The following KLRF1 variants were observed in gnomAD, a reference collection of about 807,000 sequenced individuals.
The protein encoded by KLRF1 is killer cell lectin-like receptor subfamily F member 1.
KLRF1 carries 27 observed loss-of-function variants against 30.7 expected under a neutral mutation model. The observed-to-expected ratio is 0.88, with a 90% CI of 0.65 to 1.21. KLRF1 has a LOEUF of 1.21. KLRF1 is among the 50% of genes most tolerant of loss of function. KLRF1 has a pLI of 0.00. For missense variants in KLRF1, 246 were observed against 259.3 expected (o/e 0.95, Z 0.35); for synonymous variants, 92 against 89.3 (o/e 1.03, Z -0.17).
At chr12:9,835,909 A>C (rs1262391350) in intron 3 of KLRF1, among the ~76,000 whole-genome samples, 5 of 151,990 alleles carry the variant, frequency 3.3e-5, no homozygotes, top group African/African-American at 1.2e-4. Flanking sequence ...ATGTCTGGGG[A>C]GGTCTTGCTG....
chr12:9,802,787 A>G, the KLRF1 span, among the ~76,000 whole-genome samples: 44 of 152,196 alleles, frequency 2.9e-4, no homozygotes, highest in African/African-American at 1.0e-3. Flanking sequence ...GAGAACTACA[A>G]AGCACTGCTC....
rs1565510232 is a variant in KLRF1, at chr12:9,841,848, A to G, written c.371A>G (p.Lys124Arg). The change falls in exon 4 of 6, where the codon AAG becomes AGG. Residue 124 changes from lysine (K) to arginine (R), a missense_variant. By Grantham distance (26) the Lys-to-Arg change is conservative (BLOSUM62 2). Transcript: ENST00000617889. The part of the protein sequence containing the change: ...CQSEWLKYQG[K>R]CYWFSNEMKS... ...TCAGAATGGCTCAAATACCAAGGGA[A>G]GTGTTATTGGTTCTCTAATGAGATG... The G allele has an allele frequency of 6.2e-7, 1 of 1,607,782 alleles. No individual in the cohort carries two copies. Among genetic ancestry groups the G allele is most frequent in the Non-Finnish European group, 8.5e-7 (1 of 1,175,310 alleles).
the KLRF1 span, among the ~76,000 whole-genome samples, chr12:9,814,397 G>A: frequency 6.6e-6 from 1 of 152,182 alleles, no homozygotes; most frequent in African/African-American, 2.4e-5. Flanking sequence ...TGCCCACTCT[G>A]CCAACCACAG....
chr12:9,836,426 C>T (rs1423847601), intron 3 of KLRF1, among the ~76,000 whole-genome samples: 3 of 152,082 alleles, frequency 2.0e-5, no homozygotes, highest in Non-Finnish European at 2.9e-5. Flanking sequence ...CCCAAACCGC[C>T]AGTCTTAACT....
At chr12:9,825,276 AGC>A (rs1867266780), upstream of KLRF1, among the ~76,000 whole-genome samples, 363 of 151,066 alleles carry the variant, frequency 2.4e-3, 2 homozygotes, top group African/African-American at 7.8e-3. Flanking sequence ...AAAAAAAAAA[AGC>A]AGACACATAG....
At chr12:9,831,565 T>C (rs757954464) in intron 1 of KLRF1, among the ~76,000 whole-genome samples, 63 of 152,304 alleles carry the variant, frequency 4.1e-4, no homozygotes, top group Admixed American at 3.3e-3. Flanking sequence ...AAGGACAAAA[T>C]GTTTCACAAA....
upstream of KLRF1, among the ~76,000 whole-genome samples, chr12:9,824,906 C>T (rs1867263451): frequency 6.6e-6 from 1 of 152,014 alleles, no homozygotes; most frequent in East Asian, 1.9e-4. Context: ...GGAATACAGT[C>T]AACCAGGGAG....
upstream of KLRF1, among the ~76,000 whole-genome samples, chr12:9,826,671 A>C (rs1867288635): frequency 6.6e-6 from 1 of 152,082 alleles, no homozygotes; most frequent in South Asian, 2.1e-4. Context: ...ACACATATAC[A>C]AAGGAATACT....
At chr12:9,833,778 A>C (rs1284311296) in intron 3 of KLRF1, among the ~76,000 whole-genome samples, 1 of 152,144 alleles carries the variant, frequency 6.6e-6, no homozygotes, top group Non-Finnish European at 1.5e-5. Context: ...TCTGAAATAC[A>C]GACTGGATAA....
intron 3 of KLRF1, among the ~76,000 whole-genome samples, chr12:9,835,453 T>A (rs1020814264): frequency 6.6e-6 from 1 of 152,056 alleles, no homozygotes; most frequent in African/African-American, 2.4e-5. Context: ...GTCTATGAGC[T>A]ACCTTTCACT....
chr12:9,822,141 A>T, the KLRF1 span, among the ~76,000 whole-genome samples: 1 of 152,244 alleles, frequency 6.6e-6, no homozygotes, highest in Non-Finnish European at 1.5e-5. Context: ...TGCGCTAGTT[A>T]TCCAACAAGG....
In KLRF1 at chr12:9,842,362, G is replaced by T. The variant is rs1381641529; in HGVS notation, c.516G>T (p.Trp172Cys). The T allele has an allele frequency of 2.5e-6, 4 of 1,611,998 alleles. No individual in the cohort carries two copies. Among genetic ancestry groups the T allele is most frequent in the Non-Finnish European group, 3.4e-6 (4 of 1,178,636 alleles). ...ACCTAAGACAATTAAACTACGTATGGATTGGGCTTAACTTTACCTCCTTGA... is the reference window on the plus strand; with the variant it reads ...ACCTAAGACAATTAAACTACGTATGTATTGGGCTTAACTTTACCTCCTTGA... ...QKNLRQLNYV[W>C]IGLNFTSLKM... The change falls in exon 5 of 6, where the codon TGG (tryptophan) becomes TGT (cysteine). Residue 172 changes from tryptophan to cysteine, a missense_variant. Coordinates refer to ENST00000617889, the MANE Select transcript of KLRF1 (RefSeq NM_016523.3).
chr12:9,822,500 A>T (rs1867237425), upstream of KLRF1, among the ~76,000 whole-genome samples: 1 of 152,216 alleles, frequency 6.6e-6, no homozygotes. Context: ...TGAGAAATAT[A>T]GGATTATGTA....
intron 1 of KLRF1, among the ~76,000 whole-genome samples, chr12:9,829,933 G>A (rs1005710641): frequency 6.6e-6 from 1 of 151,896 alleles, no homozygotes; most frequent in Non-Finnish European, 1.5e-5. Flanking sequence ...AATTATTCAG[G>A]CTCACTCACC....
upstream of KLRF1, among the ~76,000 whole-genome samples, chr12:9,825,905 A>G (rs1867276515): frequency 2.6e-5 from 4 of 152,208 alleles, no homozygotes; most frequent in Admixed American, 2.0e-4. Context: ...ATCTTAATTT[A>G]CTTCTTATCC....
the KLRF1 span, among the ~76,000 whole-genome samples, chr12:9,807,566 T>A: frequency 6.6e-6 from 1 of 152,162 alleles, no homozygotes; most frequent in Non-Finnish European, 1.5e-5. Context: ...TGACTTCTAA[T>A]AAGTTAAAAG....
the KLRF1 span, among the ~76,000 whole-genome samples, chr12:9,819,536 CTG>C: frequency 2.6e-5 from 4 of 152,184 alleles, no homozygotes; most frequent in Non-Finnish European, 4.4e-5. Context: ...GGCTGCCAGA[CTG>C]TTTTTTTCAC....
At chr12:9,806,825 C>A in the KLRF1 span, among the ~76,000 whole-genome samples, 1 of 151,960 alleles carries the variant, frequency 6.6e-6, no homozygotes, top group African/African-American at 2.4e-5. Flanking sequence ...AGACGACAGG[C>A]ACATGCCACT....
At chr12:9,822,954 C>T (rs992090194), upstream of KLRF1, among the ~76,000 whole-genome samples, 29 of 152,032 alleles carry the variant, frequency 1.9e-4, no homozygotes, top group Non-Finnish European at 4.0e-4. Flanking sequence ...TACAGGAGCA[C>T]CCAAATTCAT....
Sources: gnomAD v4.1 joint callset for allele counts (sites outside exome capture counted in the v4.1 genomes callset) on GRCh38, gnomAD v4.1.1 for gene constraint, MANE v1.5 for transcripts, NCBI Gene and HGNC (gene_info 2026-07-23, HGNC 2026-07-21) for gene names.